Variants in CASR observed in about 807,000 individuals in gnomAD.
CASR encodes calcium sensing receptor.
In CASR, 23 loss-of-function variants were observed where a neutral mutation model predicts 69.1. The ratio of observed to expected loss-of-function variants is 0.33; its 90% CI spans 0.24 to 0.47. The LOEUF is 0.47. Ranked by LOEUF, CASR falls within the 20% of genes least tolerant of loss-of-function variation. CASR has a pLI of 1.00. For missense variants in CASR, 924 were observed against 1,356.1 expected, an observed-to-expected ratio of 0.68 and a Z score of 5.00; for synonymous variants, 541 against 544.7, an observed-to-expected ratio of 0.99 and a Z score of 0.10.
chr3:122,263,588 G>A lies in CASR; in HGVS notation c.1377+1176G>A, dbSNP rs1044247523. On this transcript the variant is annotated intron_variant, in intron 4 of 6. Coordinates refer to ENST00000639785, the MANE Select transcript of CASR (RefSeq NM_000388.4). The stretch of plus-strand genomic sequence containing the variant: ...AACCCTTTGGGAAGGATACCAAGAA[G>A]CAAAAAGCACACAACTTGTATCAGT... Among the ~76,000 whole-genome samples the A allele has an allele frequency of 3.9e-5, 6 of 152,288 alleles. No homozygotes were observed. The South Asian group carries it at 6.2e-4, about 16-fold the overall frequency.
At chr3:122,187,174 C>T (rs1395197987) in intron 1 of CASR, among the ~76,000 whole-genome samples, 3 of 152,122 alleles carry the variant, frequency 2.0e-5, no homozygotes, top group Non-Finnish European at 4.4e-5. Context: ...AATGTTATCA[C>T]TAAATAGATT....
chr3:122,206,127 A>G (rs1384879814), intron 1 of CASR, among the ~76,000 whole-genome samples: 1 of 152,042 alleles, frequency 6.6e-6, no homozygotes. Flanking sequence ...AGTGGTATAA[A>G]TAGTCATCCT....
rs772490658 is a variant in CASR, at chr3:122,257,070, C to G, written c.186-11C>G. 1 of 1,613,442 alleles carries G rather than the reference C, an allele frequency of 6.2e-7. No individual in the cohort carries two copies. Among genetic ancestry groups the G allele is most frequent in the South Asian group, 1.1e-5 (1 of 91,070 alleles). ...AGCTTCCCATTTTCTTCCACTTCTTCTTTCTTCCAGGTATAATTTCCGTGG... is the reference window on the plus strand; with the variant it reads ...AGCTTCCCATTTTCTTCCACTTCTTGTTTCTTCCAGGTATAATTTCCGTGG... On this transcript the variant is annotated splice_polypyrimidine_tract_variant and intron_variant, in intron 2 of 6. Coordinates refer to ENST00000639785, the MANE Select transcript of CASR (RefSeq NM_000388.4).
At chr3:122,215,736 G>A (rs574587311) in intron 1 of CASR, among the ~76,000 whole-genome samples, 1 of 152,318 alleles carries the variant, frequency 6.6e-6, no homozygotes, top group South Asian at 2.1e-4. Context: ...AGTGAATAAG[G>A]TAATGATTAA....
Position 122,183,730 on chromosome 3 carries a change from C to T in CASR, c.-325C>T, listed in dbSNP as rs1423738668. 1 of 152,226 alleles carries T rather than the reference C, an allele frequency of 6.6e-6. No individual in the cohort carries two copies. The highest frequency in any genetic ancestry group is 1.9e-4 in the East Asian group (1 of 5,184). The allele number at this position is 152,226 out of a possible 1,614,324, so 9.4% of individuals were successfully genotyped here. On this transcript the variant is annotated 5_prime_UTR_variant, in exon 1 of 7. Transcript: ENST00000639785. Reference sequence around the variant, plus strand: ...AGGAAGGACCGCACGCCCTTTCGCGCAGGAGAGTGGAAGGAGGGAGCTGTT... The same window carrying T: ...AGGAAGGACCGCACGCCCTTTCGCGTAGGAGAGTGGAAGGAGGGAGCTGTT...
chr3:122,240,719 T>C (rs568933114), intron 1 of CASR, among the ~76,000 whole-genome samples: 1 of 152,314 alleles, frequency 6.6e-6, no homozygotes, highest in Non-Finnish European at 1.5e-5. Context: ...ATCTAACAGC[T>C]ACAGAATACA....
chr3:122,188,297 A>G (rs929842059), intron 1 of CASR, among the ~76,000 whole-genome samples: 2 of 152,166 alleles, frequency 1.3e-5, no homozygotes, highest in African/African-American at 2.4e-5. Flanking sequence ...GTCAAAGTAG[A>G]CTCCACCACA....
intron 1 of CASR, among the ~76,000 whole-genome samples, chr3:122,242,398 T>TA (rs1416331604): frequency 6.6e-6 from 1 of 151,904 alleles, no homozygotes; most frequent in Non-Finnish European, 1.5e-5. Context: ...GTGAACAACT[T>TA]AAAAAATAAA....
rs2074529687 is a variant in CASR, at chr3:122,254,283, A to T, written c.94A>T (p.Ile32Phe). The T allele has an allele frequency of 6.2e-7, 1 of 1,614,150 alleles. No individual in the cohort carries two copies. Among genetic ancestry groups the T allele is most frequent in the Non-Finnish European group, 8.5e-7 (1 of 1,180,028 alleles). The change falls in exon 2 of 7, where the codon ATT (isoleucine) becomes TTT (phenylalanine). Residue 32 changes from isoleucine (I) to phenylalanine (F), a missense_variant. By Grantham distance (21) the Ile-to-Phe change is conservative. Transcript: ENST00000639785. ...PDQRAQKKGDIILGGLFPIHF... is the reference protein window; with the variant it reads ...PDQRAQKKGDFILGGLFPIHF... ...CCAGCGAGCCCAAAAGAAGGGGGAC[A>T]TTATCCTTGGGGGGCTCTTTCCTAT...
chr3:122,276,919 C>T (rs186776649), intron 5 of CASR, among the ~76,000 whole-genome samples: 71 of 152,336 alleles, frequency 4.7e-4, no homozygotes, highest in Middle Eastern at 3.4e-3. Context: ...AATCCAGGTC[C>T]TCTGTAAGAA....
chr3:122,248,659 C>T lies in CASR; in HGVS notation c.-242-5289C>T, dbSNP rs553472620. Among the ~76,000 whole-genome samples, 10 of 148,368 alleles carry T rather than the reference C, an allele frequency of 6.7e-5. No homozygotes were observed. The East Asian group carries it at 1.4e-3, about 20-fold the overall frequency. On this transcript the variant is annotated intron_variant, in intron 1 of 6. Coordinates refer to ENST00000639785, the MANE Select transcript of CASR (RefSeq NM_000388.4). ...GAATTCAAAAATAGTAGCTTTTGAG[C>T]TTGCTGTGCCTTTAATTTACTGAGT... is the stretch of plus-strand genomic sequence containing the variant.
At position 122,183,714 on chromosome 3, in the gene CASR, C is replaced by A. The variant is rs759305330; in HGVS notation, c.-341C>A. The A allele has an allele frequency of 1.3e-5, 2 of 152,164 alleles. No individual in the cohort carries two copies. The highest frequency in any genetic ancestry group is 4.8e-5 in the African/African-American group (2 of 41,406). 9.4% of individuals were successfully genotyped at this position (152,164 alleles called of 1,614,324 possible). On this transcript the variant is annotated 5_prime_UTR_variant, in exon 1 of 7. Transcript: ENST00000639785. ...GCACCTGGCTGCAGCCAGGAAGGAC[C>A]GCACGCCCTTTCGCGCAGGAGAGTG...
chr3:122,236,647 A>C (rs2074331760), intron 1 of CASR, among the ~76,000 whole-genome samples: 1 of 152,214 alleles, frequency 6.6e-6, no homozygotes, highest in Non-Finnish European at 1.5e-5. Context: ...GAGTCAGCCA[A>C]ATTGTGGAGT....
chr3:122,275,790 C>T lies in CASR; in HGVS notation c.1378-22C>T. On this transcript the variant is annotated intron_variant, in intron 4 of 6. Coordinates refer to ENST00000639785, the MANE Select transcript of CASR (RefSeq NM_000388.4). ...CTATGTGGCAGCCCTGGGGCTTGTA[C>T]TCATTCTTTGCTCCTCTTTAGGTCC... The T allele has an allele frequency of 1.3e-6, 2 of 1,524,510 alleles. No individual in the cohort carries two copies. The highest frequency in any genetic ancestry group is 1.8e-6 in the Non-Finnish European group (2 of 1,098,544). 94.4% of individuals were successfully genotyped at this position (1,524,510 alleles called of 1,614,324 possible).
At chr3:122,231,218 T>C (rs7629603) in intron 1 of CASR, among the ~76,000 whole-genome samples, 108,661 of 151,652 alleles carry the variant, frequency 0.72, 39,205 homozygotes, top group Admixed American at 0.82. Context: ...ACCTGTTGGG[T>C]GGCTTACCTG....
chr3:122,205,429 GTTCTACATGTCTGTTTTT>G (rs1206374572), intron 1 of CASR, among the ~76,000 whole-genome samples: 5 of 152,010 alleles, frequency 3.3e-5, no homozygotes, highest in Non-Finnish European at 7.4e-5. Context: ...CTGTTCCATT[GTTCTACATGTCTGTTTTT>G]TTATGCCATT....
intron 4 of CASR, among the ~76,000 whole-genome samples, chr3:122,272,075 C>G (rs111256669): frequency 5.6e-4 from 78 of 139,062 alleles, no homozygotes; most frequent in African/African-American, 2.0e-3. Context: ...CATATATTTT[C>G]ATTTCTCCTA....
chr3:122,248,481 T>G (rs1235159299), intron 1 of CASR, among the ~76,000 whole-genome samples: 2 of 152,206 alleles, frequency 1.3e-5, no homozygotes, highest in African/African-American at 4.8e-5. Context: ...ATGATCATTG[T>G]GACGAAAGAG....
At chr3:122,206,695 CA>C (rs2074010053) in intron 1 of CASR, among the ~76,000 whole-genome samples, 1 of 151,990 alleles carries the variant, frequency 6.6e-6, no homozygotes, top group African/African-American at 2.4e-5. Context: ...ATCAGTGAAG[CA>C]TCAGGTCCTG....
Sources: allele counts gnomAD v4.1 joint callset (sites outside exome capture counted in the v4.1 genomes callset), GRCh38; gene constraint gnomAD v4.1.1; transcripts MANE v1.5; gene names NCBI Gene and HGNC (gene_info 2026-07-23, HGNC 2026-07-21).